EPS15L1: variants seen among roughly 807,000 people sequenced by gnomAD.
EPS15L1 encodes epidermal growth factor receptor substrate 15-like 1.
In EPS15L1, 43 loss-of-function variants were observed where a neutral mutation model predicts 117.1. The observed-to-expected ratio is 0.37, with a 90% CI of 0.29 to 0.47. The LOEUF is 0.47. Among genes scored for constraint, EPS15L1 ranks in the 20% least tolerant of loss-of-function variants. The probability of loss-of-function intolerance (pLI) is 0.99; values close to 1 mark genes in which losing one functional copy is unlikely to be tolerated. For synonymous variants in EPS15L1, 459 were observed against 470.5 expected (o/e 0.98, Z 0.32); for missense variants, 981 against 1,164.0 (o/e 0.84, Z 2.29).
chr19:16,440,763 A>T, intron 4 of EPS15L1, 99 bp downstream of exon 4: 1 of 1,067,230 alleles, frequency 9.4e-7, no homozygotes, highest in Non-Finnish European at 1.5e-6. Flanking sequence ...ATGCCTAGTA[A>T]TACTTGACAG....
intron 7 of EPS15L1, among the ~76,000 whole-genome samples, chr19:16,430,837 G>A (rs2092920556): frequency 6.6e-6 from 1 of 152,238 alleles, no homozygotes; most frequent in African/African-American, 2.4e-5. Context: ...GCACAAAGAC[G>A]CATGCACAGA....
chr19:16,469,641 A>G (rs2093331656), intron 1 of EPS15L1, among the ~76,000 whole-genome samples: 1 of 152,206 alleles, frequency 6.6e-6, no homozygotes, highest in South Asian at 2.1e-4. Flanking sequence ...CATGGAGTAC[A>G]GAACAGACTG....
intron 20 of EPS15L1, 152 bp downstream of exon 20, chr19:16,386,019 G>T: frequency 1.6e-6 from 1 of 634,186 alleles, no homozygotes; most frequent in African/African-American, 1.8e-5. Flanking sequence ...GCTTGTTTTG[G>T]CCTAATGGGC....
At chr19:16,412,929 G>A in intron 13 of EPS15L1, 1 of 655,218 alleles carries the variant, frequency 1.5e-6, no homozygotes, top group Non-Finnish European at 2.8e-6. Flanking sequence ...TCAAGTCCCT[G>A]GAGGAGAGCT....
intron 7 of EPS15L1, among the ~76,000 whole-genome samples, chr19:16,430,923 A>C (rs1331774435): frequency 6.6e-6 from 1 of 152,248 alleles, no homozygotes; most frequent in Non-Finnish European, 1.5e-5. Flanking sequence ...ACATGGGTGC[A>C]TAGATGCATG....
At chr19:16,421,877 C>T (rs551158557) in intron 9 of EPS15L1, among the ~76,000 whole-genome samples, 37 of 152,316 alleles carry the variant, frequency 2.4e-4, no homozygotes, top group Admixed American at 1.2e-3. Context: ...GCCAGCCTCC[C>T]TGGTCCTCCC....
intron 12 of EPS15L1, among the ~76,000 whole-genome samples, chr19:16,414,203 G>A (rs576117586): frequency 6.6e-5 from 10 of 152,310 alleles, no homozygotes; most frequent in Admixed American, 6.5e-4. Context: ...GTGTCCAGGA[G>A]CATGGAGTGG....
At chr19:16,382,684 A>G (rs186639089) in intron 21 of EPS15L1, among the ~76,000 whole-genome samples, 16 of 152,094 alleles carry the variant, frequency 1.1e-4, no homozygotes, top group Non-Finnish European at 2.2e-4. Context: ...TTATTCTCAA[A>G]TGCTCCCTGG....
intron 10 of EPS15L1, 96 bp from the exon 11 acceptor site, chr19:16,418,200 C>G: frequency 7.2e-7 from 1 of 1,393,066 alleles, no homozygotes; most frequent in Admixed American, 2.1e-5. Flanking sequence ...ACGACAGCGA[C>G]GAAAACAACG....
intron 4 of EPS15L1, 190 bp downstream of exon 4, chr19:16,440,672 C>G: frequency 2.1e-6 from 1 of 479,802 alleles, no homozygotes; most frequent in Non-Finnish European, 3.8e-6. Flanking sequence ...GATACACTAG[C>G]CATGAAAGAT....
chr19:16,361,277 A>AT (rs2092046566), intron 23 of EPS15L1, among the ~76,000 whole-genome samples: 1 of 152,006 alleles, frequency 6.6e-6, no homozygotes, highest in African/African-American at 2.4e-5. Context: ...AAAACTTCAA[A>AT]TTGCTCTTCC....
rs2092643883 is a variant in EPS15L1, at chr19:16,405,174, T to C, written c.1267-425A>G. On this transcript the variant is annotated intron_variant, in intron 13 of 23. Transcript: ENST00000455140. This position sits in a 1 kb window ranked among gnomAD's most constrained non-coding sequence, Gnocchi z 4.0. ...GGGAAGATGCCCACAAAAGCAGCAT[T>C]TAGGATGGGGCCAACAGGTGAGCAG... Among the ~76,000 whole-genome samples, 1 of 151,926 alleles carries C rather than the reference T, an allele frequency of 6.6e-6. No homozygotes were observed. The highest frequency in any genetic ancestry group is 1.5e-5 in the Non-Finnish European group (1 of 67,968).
intron 7 of EPS15L1, among the ~76,000 whole-genome samples, chr19:16,432,728 G>A (rs746633014): frequency 7.9e-5 from 12 of 151,716 alleles, no homozygotes; most frequent in Non-Finnish European, 1.6e-4. Context: ...CTGAGATCAT[G>A]CCACTGCACT....
intron 9 of EPS15L1, among the ~76,000 whole-genome samples, chr19:16,421,806 G>T (rs1002537380): frequency 5.9e-5 from 9 of 152,112 alleles, no homozygotes; most frequent in African/African-American, 9.7e-5. Context: ...AGCATGCCAG[G>T]AAAGACCCTC....
chr19:16,436,190 C>T (rs935736184), intron 6 of EPS15L1, among the ~76,000 whole-genome samples: 4 of 152,126 alleles, frequency 2.6e-5, no homozygotes, highest in African/African-American at 9.7e-5. Flanking sequence ...AAACATGGGA[C>T]GAAAGTGCTT....
intron 23 of EPS15L1, among the ~76,000 whole-genome samples, chr19:16,359,517 C>T (rs997217713): frequency 1.3e-5 from 2 of 152,304 alleles, no homozygotes; most frequent in Admixed American, 6.5e-5. Flanking sequence ...ACTATCTGAT[C>T]ATTTCCTCTG....
chr19:16,442,419 A>C (rs1347177969), intron 1 of EPS15L1, among the ~76,000 whole-genome samples, 200 bp from the exon 2 acceptor site: 1 of 152,214 alleles, frequency 6.6e-6, no homozygotes, highest in East Asian at 1.9e-4. Flanking sequence ...ATTTAGAAAA[A>C]GTAAGCTTAA....
chr19:16,361,473 C>T, intron 23 of EPS15L1: 1 of 698,472 alleles, frequency 1.4e-6, no homozygotes. Flanking sequence ...GTGAACACAA[C>T]AGCCTCGGTG....
intron 1 of EPS15L1, among the ~76,000 whole-genome samples, chr19:16,448,215 A>G (rs2093103332): frequency 6.6e-6 from 1 of 152,194 alleles, no homozygotes; most frequent in South Asian, 2.1e-4. Context: ...TTGGCAGACA[A>G]ACTTTATGTT....
Sources: gnomAD v4.1 joint callset for allele counts (sites outside exome capture counted in the v4.1 genomes callset) on GRCh38, gnomAD v4.1.1 for gene constraint, Gnocchi (gnomAD v3.1) non-coding constraint, MANE v1.5 for transcripts, NCBI Gene and HGNC (gene_info 2026-07-23, HGNC 2026-07-21) for gene names.